The following PCDHA4 variants were observed in gnomAD, a reference collection of about 807,000 sequenced individuals.
PCDHA4 encodes protocadherin alpha-4.
Under a neutral mutation model 61.4 loss-of-function variants are expected in PCDHA4, and 49 were observed. The observed-to-expected ratio is 0.80, with a 90% CI of 0.63 to 1.01. PCDHA4 has a LOEUF of 1.01. PCDHA4 is among the 50% of genes least tolerant of loss of function. The pLI, the probability that PCDHA4 is intolerant of heterozygous loss-of-function variation, is 0.00. For synonymous variants in PCDHA4, 590 were observed against 550.3 expected (o/e 1.07, Z -1.01); for missense variants, 1,254 against 1,235.8 (o/e 1.01, Z -0.22).
At chr5:140,963,303 G>A (rs2153735006) in intron 1 of PCDHA4, among the ~76,000 whole-genome samples, 1 of 152,286 alleles carries the variant, frequency 6.6e-6, no homozygotes, top group South Asian at 2.1e-4. Flanking sequence ...GAGAAAATAA[G>A]AAGCTGTTTG....
intron 1 of PCDHA4, among the ~76,000 whole-genome samples, chr5:140,855,480 A>G (rs567213059): frequency 6.7e-6 from 1 of 149,976 alleles, no homozygotes; most frequent in South Asian, 2.1e-4. Context: ...GATGCTTGAC[A>G]TTAGTGTCTA....
intron 1 of PCDHA4, chr5:140,862,831 G>C (rs782083560): frequency 1.0e-5 from 6 of 572,658 alleles, no homozygotes; most frequent in African/African-American, 7.9e-5. Flanking sequence ...AGCGCGCGAC[G>C]CGGGCATGCC....
Position 140,848,043 on chromosome 5 carries a change from A to C in PCDHA4, c.2385+38471A>C, listed in dbSNP as rs115415885. On this transcript the variant is annotated intron_variant, in intron 1 of 3. Transcript: ENST00000530339. Reference sequence around the variant, plus strand: ...AAATTCGTGATTGCTCAATGGAATCATTTTAATTGTTACTTCATTTCTGTC... The same window carrying C: ...AAATTCGTGATTGCTCAATGGAATCCTTTTAATTGTTACTTCATTTCTGTC... 2.3e-3 allele frequency: 368 copies of C among 160,610 alleles called. 14 individuals carry two copies. Among genetic ancestry groups the C allele is most frequent in the African/African-American group, 8.0e-3 (330 of 41,090 alleles). 9.9% of individuals were successfully genotyped at this position (160,610 alleles called of 1,614,324 possible). A position where few individuals can be genotyped will look rare whatever the true frequency, so the allele number is the denominator to read the frequency against.
intron 1 of PCDHA4, among the ~76,000 whole-genome samples, chr5:140,943,416 A>T (rs556948015): frequency 2.6e-5 from 4 of 152,286 alleles, no homozygotes; most frequent in African/African-American, 9.6e-5. Flanking sequence ...GACTAGAGGC[A>T]AGGGCTTTAA....
chr5:140,940,494 G>C (rs553813143), intron 1 of PCDHA4, among the ~76,000 whole-genome samples: 1 of 151,724 alleles, frequency 6.6e-6, no homozygotes, highest in East Asian at 1.9e-4. Context: ...GACAAGTCTT[G>C]CTCCGTCGCT....
chr5:140,891,756 G>A (rs782304941), intron 1 of PCDHA4, among the ~76,000 whole-genome samples: 20 of 152,144 alleles, frequency 1.3e-4, no homozygotes, highest in Non-Finnish European at 2.5e-4. Flanking sequence ...AACAGTGTTG[G>A]GAGGTGGGGA....
intron 1 of PCDHA4, chr5:140,861,156 A>T (rs782717452): frequency 6.5e-6 from 1 of 154,840 alleles, no homozygotes; most frequent in Non-Finnish European, 1.4e-5. Context: ...ACAAGGACCA[A>T]AAGGTCTCAG....
At chr5:140,812,535 T>A (rs1554126002) in intron 1 of PCDHA4, 1 of 152,188 alleles carries the variant, frequency 6.6e-6, no homozygotes, top group Admixed American at 6.5e-5. Flanking sequence ...TTTGTCCTTT[T>A]TTTCTAGTTC....
chr5:140,848,619 G>T lies in PCDHA4; in HGVS notation c.2385+39047G>T, dbSNP rs545024019. The T allele has an allele frequency of 8.2e-6, 13 of 1,593,396 alleles. No homozygotes were observed. The highest frequency in any genetic ancestry group is 5.4e-5 in the African/African-American group (4 of 74,388). On this transcript the variant is annotated intron_variant, in intron 1 of 3. Coordinates refer to ENST00000530339, the MANE Select transcript of PCDHA4 (RefSeq NM_018907.4). ...CTCCGTCCCGGAGGAAGCCGAACAC[G>T]GCACCTTCGTGGGCCGCATCGCGCA...
At chr5:140,961,864 AG>A (rs2095638942) in intron 1 of PCDHA4, among the ~76,000 whole-genome samples, 3 of 151,832 alleles carry the variant, frequency 2.0e-5, no homozygotes, top group Non-Finnish European at 2.9e-5. Context: ...ATCTGGCCAC[AG>A]ATAATTGACT....
At chr5:140,841,613 C>A in intron 1 of PCDHA4, 3 of 1,614,080 alleles carry the variant, frequency 1.9e-6, no homozygotes, top group Non-Finnish European at 2.5e-6. Context: ...GCTGTGCGGG[C>A]GGAGCGCGGA....
chr5:140,857,567 G>T (rs139473255), intron 1 of PCDHA4: 8 of 1,596,870 alleles, frequency 5.0e-6, no homozygotes, highest in African/African-American at 2.7e-5. Flanking sequence ...GTCGAGCTAC[G>T]TGTCGGTGCA....
chr5:140,989,528 G>A (rs1451731382), intron 3 of PCDHA4, among the ~76,000 whole-genome samples: 2 of 152,178 alleles, frequency 1.3e-5, no homozygotes, highest in African/African-American at 4.8e-5. Context: ...GGCAGAGGAG[G>A]AAGATAGTTT....
At chr5:140,827,906 A>G in intron 1 of PCDHA4, 1 of 808,566 alleles carries the variant, frequency 1.2e-6, no homozygotes, top group South Asian at 1.8e-5. Context: ...TTGGAGCCGC[A>G]TGATGTCGCT....
At chr5:140,857,560 G>T in intron 1 of PCDHA4, 1 of 1,596,914 alleles carries the variant, frequency 6.3e-7, no homozygotes, top group Non-Finnish European at 8.6e-7. Flanking sequence ...GCTCGCTGTC[G>T]AGCTACGTGT....
intron 1 of PCDHA4, chr5:140,871,073 C>A: frequency 1.2e-6 from 2 of 1,613,208 alleles, no homozygotes; most frequent in Non-Finnish European, 8.5e-7. Context: ...GGTGAGCCGG[C>A]GCTGACGGCC....
chr5:140,929,257 C>T, intron 1 of PCDHA4: 2 of 1,612,972 alleles, frequency 1.2e-6, no homozygotes, highest in Non-Finnish European at 1.7e-6. Context: ...TGGGGTAGGA[C>T]TGAATTTGCC....
intron 1 of PCDHA4, among the ~76,000 whole-genome samples, chr5:140,875,148 G>T (rs1267290548): frequency 2.0e-5 from 3 of 152,118 alleles, no homozygotes; most frequent in Non-Finnish European, 4.4e-5. Context: ...TAAATGATCC[G>T]TGAAAAATAA....
At chr5:140,881,191 T>C (rs564115136) in intron 1 of PCDHA4, 2 of 170,408 alleles carry the variant, frequency 1.2e-5, no homozygotes, top group African/African-American at 4.8e-5. Context: ...AAAGATATGT[T>C]AACATCTTTG....
Sources: gnomAD v4.1 joint callset for allele counts (sites outside exome capture counted in the v4.1 genomes callset) on GRCh38, gnomAD v4.1.1 for gene constraint, MANE v1.5 for transcripts, NCBI Gene and HGNC (gene_info 2026-07-23, HGNC 2026-07-21) for gene names.